SHANK2: variants seen among roughly 807,000 people sequenced by gnomAD.
The protein encoded by SHANK2 is SH3 and multiple ankyrin repeat domains protein 2.
SHANK2 carries 43 observed loss-of-function variants against 133.7 expected under a neutral mutation model. The observed-to-expected ratio is 0.32, with a 90% CI of 0.25 to 0.41. The LOEUF is 0.41. Among genes scored for constraint, SHANK2 ranks in the 10% least tolerant of loss-of-function variants. The pLI is 1.00. For missense variants in SHANK2, 1,994 were observed against 2,235.8 expected (o/e 0.89, Z 2.18); for synonymous variants, 1,017 against 952.8 (o/e 1.07, Z -1.24).
intron 14 of SHANK2, among the ~76,000 whole-genome samples, chr11:70,710,147 G>A (rs1945749628): frequency 6.6e-6 from 1 of 152,312 alleles, no homozygotes; most frequent in Admixed American, 6.5e-5. Context: ...TAGGGCTGCT[G>A]AGCGCCTCCT....
At chr11:70,826,139 T>C (rs1274135302) in intron 11 of SHANK2, among the ~76,000 whole-genome samples, 2 of 152,212 alleles carry the variant, frequency 1.3e-5, no homozygotes, top group Non-Finnish European at 2.9e-5. Flanking sequence ...CTGAGGACTA[T>C]AGTCAAAACT....
At chr11:70,555,484 G>A (rs782547845) in intron 17 of SHANK2, among the ~76,000 whole-genome samples, 2 of 152,208 alleles carry the variant, frequency 1.3e-5, no homozygotes, top group Non-Finnish European at 2.9e-5. Flanking sequence ...GGCGGCTCAC[G>A]CCTGTAATGT....
intron 11 of SHANK2, among the ~76,000 whole-genome samples, chr11:70,868,209 T>C (rs1555069462): frequency 6.6e-6 from 1 of 151,994 alleles, no homozygotes; most frequent in Non-Finnish European, 1.5e-5. Context: ...AGGGTGCAGG[T>C]GAAGAAGGTG....
rs1952770277 is a variant in SHANK2 at position 71,150,324 on chromosome 11, CAGGGAGGGAGAGGGAGGGACAGGGAGGG to C, written c.-12-3014_-12-2987del. On this transcript the variant is annotated intron_variant, in intron 2 of 25. Coordinates refer to ENST00000601538, the MANE Select transcript of SHANK2 (RefSeq NM_012309.5). Reference sequence around the variant, plus strand: ...AGGAAGAGGGAGGGACAGGGAGGGACAGGGAGGGAGAGGGAGGGACAGGGAGGGAGGGAGGGAGAGGGAGGGACAAGGA... The same window carrying C: ...AGGAAGAGGGAGGGACAGGGAGGGACAGGGAGGGAGAGGGAGGGACAAGGA... Among the ~76,000 whole-genome samples the C allele has an allele frequency of 1.3e-4, 5 of 38,738 alleles. No individual in the cohort carries two copies. The Admixed American group carries it at 1.6e-3, about 12-fold the overall frequency. The allele number at this position is 38,738 out of a possible 152,430, so 25.4% of individuals were successfully genotyped here.
chr11:70,487,448 C>T lies in SHANK2; in HGVS notation c.2845G>A (p.Gly949Arg). ...TCCAGCTCTCTCCTGAAGTACATCC[C>T]CTTCTCCCTCATCATGGTGGCCACG... ...DTVATMMREK[G>R]MYFRRELDRY... is the part of the protein sequence containing the mutation. The change falls in exon 25 of 26, where the codon GGG (glycine) becomes AGG (arginine). Residue 949 changes from glycine (G) to arginine (R), a missense_variant. Gly to Arg is a moderately radical substitution (Grantham distance 125). Coordinates refer to ENST00000601538, the MANE Select transcript of SHANK2 (RefSeq NM_012309.5). The surrounding 1 kb of genome is among the most constrained non-coding windows in gnomAD (Gnocchi z 5.8). 1 of 1,614,048 alleles carries T rather than the reference C, an allele frequency of 6.2e-7. No homozygotes were observed. The highest frequency in any genetic ancestry group is 1.1e-5 in the South Asian group (1 of 91,078).
intron 9 of SHANK2, among the ~76,000 whole-genome samples, chr11:71,059,080 G>A (rs1023100871): frequency 3.9e-5 from 6 of 152,318 alleles, no homozygotes; most frequent in East Asian, 3.9e-4. Flanking sequence ...AGCTGGGTGC[G>A]GTGGCAGGTG....
At chr11:71,098,017 T>C (rs1951651160) in intron 6 of SHANK2, among the ~76,000 whole-genome samples, 5 of 150,296 alleles carry the variant, frequency 3.3e-5, no homozygotes, top group Non-Finnish European at 7.4e-5. Flanking sequence ...CATGTGTGCC[T>C]ATGTGTGTGC....
chr11:70,929,661 C>G (rs576248513), intron 10 of SHANK2, among the ~76,000 whole-genome samples: 1 of 152,130 alleles, frequency 6.6e-6, no homozygotes. Flanking sequence ...TTATAAGGAC[C>G]CTTGTGATAA....
At chr11:70,603,951 A>G (rs371297591) in intron 17 of SHANK2, 1 of 152,642 alleles carries the variant, frequency 6.6e-6, no homozygotes, top group African/African-American at 2.4e-5. Context: ...TATTTATGCA[A>G]ATATTTAACC....
chr11:70,768,854 G>C (rs1458195978), intron 14 of SHANK2, among the ~76,000 whole-genome samples: 2 of 152,122 alleles, frequency 1.3e-5, no homozygotes, highest in African/African-American at 2.4e-5. Context: ...TTCTCACCCT[G>C]CACATGGGAA....
In SHANK2 at chr11:70,824,744, TTACAAAGA is replaced by T. The variant is rs548191750; in HGVS notation, c.1175-4070_1175-4063del. Among the ~76,000 whole-genome samples the T allele has an allele frequency of 2.6e-3, 389 of 152,252 alleles. 2 individuals are homozygous for T. Among genetic ancestry groups the T allele is most frequent in the African/African-American group, 9.2e-3 (383 of 41,550 alleles). On this transcript the variant is annotated intron_variant, in intron 11 of 25. Coordinates refer to ENST00000601538, the MANE Select transcript of SHANK2 (RefSeq NM_012309.5). Reference sequence around the variant, plus strand: ...GATCACTGAGTGTTTGCATGGAGGCTTACAAAGATACGACTGGCCCAGAGGGCTTCCGG... The same window carrying T: ...GATCACTGAGTGTTTGCATGGAGGCTTACGACTGGCCCAGAGGGCTTCCGG...
rs565453848 is a variant in SHANK2 at position 70,882,329 on chromosome 11, G to C, written c.1174+14172C>G. On this transcript the variant is annotated intron_variant, in intron 11 of 25. Transcript: ENST00000601538. This position sits in a 1 kb window ranked among gnomAD's most constrained non-coding sequence, Gnocchi z 4.2. Reference sequence around the variant, plus strand: ...GAGAGGGGCCACTGCAGTGTGGAAGGCAGGCAGAAAGGCCCCTGGGCTGTG... The same window carrying C: ...GAGAGGGGCCACTGCAGTGTGGAAGCCAGGCAGAAAGGCCCCTGGGCTGTG... Among the ~76,000 whole-genome samples, 1 of 152,320 alleles carries C rather than the reference G, an allele frequency of 6.6e-6. No homozygotes were observed. Among genetic ancestry groups the C allele is most frequent in the East Asian group, 1.9e-4 (1 of 5,184 alleles).
intron 11 of SHANK2, among the ~76,000 whole-genome samples, chr11:70,832,500 C>T (rs190912754): frequency 5.1e-4 from 78 of 152,310 alleles, no homozygotes; most frequent in African/African-American, 1.3e-3. Context: ...AGGCAGGTTC[C>T]GTGTCCAGCC....
chr11:71,118,408 T>A (rs572714991), intron 4 of SHANK2, among the ~76,000 whole-genome samples: 2 of 152,270 alleles, frequency 1.3e-5, no homozygotes, highest in African/African-American at 2.4e-5. Flanking sequence ...TCAGGAACAT[T>A]ACAGTCATGG....
At chr11:70,814,733 C>T (rs1313342008) in intron 12 of SHANK2, among the ~76,000 whole-genome samples, 3 of 152,218 alleles carry the variant, frequency 2.0e-5, no homozygotes, top group Non-Finnish European at 2.9e-5. Context: ...GACAGGGCGG[C>T]AGCATTCATC....
chr11:70,613,443 T>C (rs1242563190), intron 17 of SHANK2, among the ~76,000 whole-genome samples: 1 of 152,146 alleles, frequency 6.6e-6, no homozygotes, highest in African/African-American at 2.4e-5. Context: ...GACCTCGTGA[T>C]CCGCCCACCT....
At chr11:71,159,566 T>G (rs1376973906) in intron 2 of SHANK2, among the ~76,000 whole-genome samples, 1 of 152,178 alleles carries the variant, frequency 6.6e-6, no homozygotes, top group Non-Finnish European at 1.5e-5. Context: ...TCAATTGTTA[T>G]TTGCTCAATA....
At chr11:70,677,170 G>A (rs1448141237) in intron 15 of SHANK2, among the ~76,000 whole-genome samples, 4 of 152,172 alleles carry the variant, frequency 2.6e-5, no homozygotes, top group East Asian at 1.9e-4. Context: ...CAAGGCCCAC[G>A]GTCTGGTCTG....
intron 8 of SHANK2, among the ~76,000 whole-genome samples, chr11:71,087,835 G>A (rs2135079685): frequency 6.6e-6 from 1 of 152,196 alleles, no homozygotes; most frequent in Non-Finnish European, 1.5e-5. Flanking sequence ...CACCATGTTG[G>A]CCAGGCTGGT....
Sources: gnomAD v4.1 joint callset for allele counts (sites outside exome capture counted in the v4.1 genomes callset) on GRCh38, gnomAD v4.1.1 for gene constraint, Gnocchi (gnomAD v3.1) non-coding constraint, MANE v1.5 for transcripts, NCBI Gene and HGNC (gene_info 2026-07-23, HGNC 2026-07-21) for gene names.